ADARB2: variants seen among roughly 807,000 people sequenced by gnomAD.
The protein encoded by ADARB2 is adenosine deaminase RNA specific B2 (inactive).
A neutral mutation model predicts 62.2 loss-of-function variants in ADARB2; 25 were observed. That is an observed-to-expected ratio of 0.40 (90% CI 0.29 to 0.56). The LOEUF is 0.56. ADARB2 is among the 20% of genes least tolerant of loss of function. The probability of loss-of-function intolerance (pLI) is 0.43; values close to 1 mark genes in which losing one functional copy is unlikely to be tolerated. For synonymous variants in ADARB2, 572 were observed against 500.8 expected, an observed-to-expected ratio of 1.14 and a Z score of -1.90; for missense variants, 1,071 against 1,077.4, an observed-to-expected ratio of 0.99 and a Z score of 0.08.
chr10:1,525,951 G>C (rs1253784406), intron 1 of ADARB2, among the ~76,000 whole-genome samples: 1 of 152,030 alleles, frequency 6.6e-6, no homozygotes, highest in Non-Finnish European at 1.5e-5. Flanking sequence ...GTATGGGTGT[G>C]TGTGCGTGTG....
intron 4 of ADARB2, among the ~76,000 whole-genome samples, chr10:1,258,463 A>G (rs991328588): frequency 1.1e-4 from 17 of 152,086 alleles, no homozygotes; most frequent in African/African-American, 3.9e-4. Flanking sequence ...AGGAAGATCT[A>G]CCAAGCAAAT....
chr10:1,380,778 A>T (rs1271464861), intron 1 of ADARB2, among the ~76,000 whole-genome samples: 1 of 152,256 alleles, frequency 6.6e-6, no homozygotes, highest in Non-Finnish European at 1.5e-5. Flanking sequence ...AAACCCTTGC[A>T]GCCGAAGCTA....
At chr10:1,615,319 T>G (rs1009870168) in intron 1 of ADARB2, among the ~76,000 whole-genome samples, 10 of 152,076 alleles carry the variant, frequency 6.6e-5, no homozygotes, top group Non-Finnish European at 2.9e-5. Context: ...GCCTTCCAGA[T>G]TGAAGTGTGC....
In ADARB2 at chr10:1,610,748, G is replaced by GCA. The variant is rs56043096; in HGVS notation, c.100+126301_100+126302dup. Among the ~76,000 whole-genome samples, 584 of 150,446 alleles carry GCA rather than the reference G, an allele frequency of 3.9e-3. 4 individuals carry two copies. Among genetic ancestry groups the GCA allele is most frequent in the Middle Eastern group, 0.014 (4 of 292 alleles). On this transcript the variant is annotated intron_variant, in intron 1 of 9. Coordinates refer to ENST00000381312, the MANE Select transcript of ADARB2 (RefSeq NM_018702.4). ...GGACTGTTCATGGAGATGGGCAGGCGCACACACACACACACACACACATGC... is the reference window on the plus strand; with the variant it reads ...GGACTGTTCATGGAGATGGGCAGGCGCACACACACACACACACACACACATGC...
intron 1 of ADARB2, among the ~76,000 whole-genome samples, chr10:1,715,844 CT>C (rs759549660): frequency 6.6e-6 from 1 of 152,248 alleles, no homozygotes; most frequent in Non-Finnish European, 1.5e-5. Flanking sequence ...CTGCTCACCC[CT>C]CTGCCTCAGT....
At chr10:1,529,935 G>C (rs2813454) in intron 1 of ADARB2, among the ~76,000 whole-genome samples, 71 of 149,872 alleles carry the variant, frequency 4.7e-4, no homozygotes, top group African/African-American at 1.7e-3. Context: ...CCACTGCAGG[G>C]ACCCATTCAC....
chr10:1,502,033 C>T (rs1230784301), intron 1 of ADARB2, among the ~76,000 whole-genome samples: 2 of 152,244 alleles, frequency 1.3e-5, no homozygotes, highest in African/African-American at 4.8e-5. Context: ...ATAAAAACTG[C>T]AATCGTGAGG....
chr10:1,651,507 G>A (rs1223625083), intron 1 of ADARB2, among the ~76,000 whole-genome samples: 1 of 152,246 alleles, frequency 6.6e-6, no homozygotes, highest in Non-Finnish European at 1.5e-5. Context: ...CCCTTTGCTT[G>A]TGCACGCCTA....
intron 1 of ADARB2, among the ~76,000 whole-genome samples, chr10:1,533,562 C>G (rs576265333): frequency 6.6e-6 from 1 of 152,290 alleles, no homozygotes; most frequent in South Asian, 2.1e-4. Flanking sequence ...AAGGCCATGC[C>G]ACGTCCTGAC....
intron 4 of ADARB2, among the ~76,000 whole-genome samples, chr10:1,259,832 G>A (rs2131789286): frequency 6.6e-6 from 1 of 152,250 alleles, no homozygotes; most frequent in East Asian, 1.9e-4. Context: ...CCAAAGCCTG[G>A]CAGAGACACA....
intron 1 of ADARB2, among the ~76,000 whole-genome samples, chr10:1,434,705 T>A (rs1471087375): frequency 1.3e-5 from 2 of 152,178 alleles, no homozygotes; most frequent in Admixed American, 6.5e-5. Flanking sequence ...ACCATTTAGA[T>A]GACGTAAACT....
intron 1 of ADARB2, among the ~76,000 whole-genome samples, chr10:1,567,311 A>G (rs528473800): frequency 1.2e-3 from 187 of 152,288 alleles, no homozygotes; most frequent in African/African-American, 4.2e-3. Flanking sequence ...AGTACTTTCT[A>G]GATGCTCTTT....
intron 3 of ADARB2, among the ~76,000 whole-genome samples, chr10:1,275,937 C>T (rs11250379): frequency 0.028 from 4,192 of 151,906 alleles, 151 homozygotes; most frequent in African/African-American, 0.084. Context: ...TCCAAGTCTT[C>T]GCTATTGTGA....
chr10:1,729,979 G>A (rs1409195005), intron 1 of ADARB2, among the ~76,000 whole-genome samples: 1 of 152,166 alleles, frequency 6.6e-6, no homozygotes, highest in Admixed American at 6.5e-5. Flanking sequence ...TAATTAAATC[G>A]ATAAATTCTC....
chr10:1,676,367 T>C lies in ADARB2; in HGVS notation c.100+60684A>G, dbSNP rs940713263. ...TTAGATAGTCCTGGCTTGTGAACCA[T>C]TGACTTGTATAGACTTAGATATTTT... On this transcript the variant is annotated intron_variant, in intron 1 of 9. Coordinates refer to ENST00000381312, the MANE Select transcript of ADARB2 (RefSeq NM_018702.4). Among the ~76,000 whole-genome samples the C allele has an allele frequency of 5.3e-5, 8 of 152,288 alleles. No individual in the cohort carries two copies. The South Asian group carries it at 6.2e-4, about 12-fold the overall frequency.
chr10:1,382,484 A>AT, intron 1 of ADARB2, among the ~76,000 whole-genome samples: 1 of 152,334 alleles, frequency 6.6e-6, no homozygotes, highest in African/African-American at 2.4e-5. Context: ...GAAGAATTAC[A>AT]TTTTTAATAT....
chr10:1,230,977 A>T (rs957832206), intron 6 of ADARB2, among the ~76,000 whole-genome samples: 4 of 152,098 alleles, frequency 2.6e-5, no homozygotes, highest in African/African-American at 9.7e-5. Context: ...TGCCTCGGAG[A>T]ACGTATTTGT....
chr10:1,200,606 A>ATTAATTAATTAATTAATTAATTAAT (rs1564218104), intron 7 of ADARB2, among the ~76,000 whole-genome samples: 33 of 152,334 alleles, frequency 2.2e-4, no homozygotes, highest in African/African-American at 7.5e-4. Flanking sequence ...AATTACATTA[A>ATTAATTAATTAATTAATTAATTAAT]CAAATGACCT....
intron 1 of ADARB2, among the ~76,000 whole-genome samples, chr10:1,516,490 G>T (rs1406549810): frequency 6.6e-6 from 1 of 151,888 alleles, no homozygotes; most frequent in East Asian, 1.9e-4. Context: ...GCTGCTCTGT[G>T]CTATGCGGGC....
Sources: allele counts gnomAD v4.1 joint callset (sites outside exome capture counted in the v4.1 genomes callset), GRCh38; gene constraint gnomAD v4.1.1; transcripts MANE v1.5; gene names NCBI Gene and HGNC (gene_info 2026-07-23, HGNC 2026-07-21).